The following MPRIP variants were observed in gnomAD, a reference collection of about 807,000 sequenced individuals.
MPRIP encodes the protein myosin phosphatase Rho interacting protein.
Under a neutral mutation model 234.9 loss-of-function variants are expected in MPRIP, and 59 were observed. The ratio of observed to expected loss-of-function variants is 0.25; its 90% CI spans 0.20 to 0.31. The LOEUF (loss-of-function observed/expected upper bound fraction) is 0.31. MPRIP is among the 10% of genes least tolerant of loss of function. The pLI, the probability that MPRIP is intolerant of heterozygous loss-of-function variation, is 1.00. For missense variants in MPRIP, 2,436 were observed against 3,071.0 expected, an observed-to-expected ratio of 0.79 and a Z score of 4.89; for synonymous variants, 1,144 against 1,263.9, an observed-to-expected ratio of 0.91 and a Z score of 2.01.
At chr17:17,182,081 G>A (rs1009132476) in intron 23 of MPRIP, 4 of 152,272 alleles carry the variant, frequency 2.6e-5, no homozygotes, top group Non-Finnish European at 4.4e-5. Context: ...AACAGGGCAG[G>A]ATGGGGCCGT....
chr17:17,077,255 C>T (rs1029761780), intron 2 of MPRIP: 5 of 152,260 alleles, frequency 3.3e-5, no homozygotes, highest in African/African-American at 9.7e-5. Flanking sequence ...CCAGCAGACT[C>T]GCATTATGGA....
In MPRIP at chr17:17,102,511, C is replaced by T. The variant is rs372018008; in HGVS notation, c.268-24191C>T. On this transcript the variant is annotated intron_variant, in intron 3 of 23. Transcript: ENST00000651222. ...ATCGTCAGGGCACGTGTGGAGTGTGCGAGCAGGTCCACCCATGACTAGTGG... is the reference window on the plus strand; with the variant it reads ...ATCGTCAGGGCACGTGTGGAGTGTGTGAGCAGGTCCACCCATGACTAGTGG... Among the ~76,000 whole-genome samples, 82 of 152,320 alleles carry T rather than the reference C, an allele frequency of 5.4e-4. No homozygotes were observed. In the South Asian group the frequency reaches 0.014, roughly 27 times the overall value.
At chr17:17,081,316 A>G (rs541526723) in intron 3 of MPRIP, among the ~76,000 whole-genome samples, 1 of 152,310 alleles carries the variant, frequency 6.6e-6, no homozygotes, top group South Asian at 2.1e-4. Flanking sequence ...GGCGGCACAA[A>G]TCTAGCCAGG....
rs1227306259 is a variant in MPRIP, at chr17:17,177,290, C to T, written c.6998C>T (p.Thr2333Ile). Reference sequence around the variant, plus strand: ...AGTGACAAGTACAAAGACATCTACACAGAGCTCAGCATCGCGAAGGCTAAG... The same window carrying T: ...AGTGACAAGTACAAAGACATCTACATAGAGCTCAGCATCGCGAAGGCTAAG... ...YASDKYKDIY[T>I]ELSIAKAKAD... The change falls in exon 22 of 24, where the codon ACA (threonine) becomes ATA (isoleucine). Residue 2333 changes from threonine to isoleucine, a missense_variant. Physicochemically the swap from Thr to Ile is moderately conservative, Grantham distance 89 (BLOSUM62 -1). Transcript: ENST00000651222. 4 of 1,613,952 alleles carry T rather than the reference C, an allele frequency of 2.5e-6. No individual in the cohort carries two copies. The highest frequency in any genetic ancestry group is 1.7e-5 in the Admixed American group (1 of 60,014).
intron 3 of MPRIP, among the ~76,000 whole-genome samples, chr17:17,083,059 C>T (rs1205770061): frequency 6.6e-6 from 1 of 152,232 alleles, no homozygotes; most frequent in African/African-American, 2.4e-5. Flanking sequence ...GTGCTGAGGG[C>T]CGGCCTCCAT....
In MPRIP at chr17:17,126,873, G is replaced by A. The variant is rs202074039; in HGVS notation, c.419+20G>A. On this transcript the variant is annotated intron_variant, in intron 4 of 23. Transcript: ENST00000651222. ...CAGTGGGTGAGTATGCTGGCACTGTGGAACAAGGCACCACCACCTGCCACA... is the reference window on the plus strand; with the variant it reads ...CAGTGGGTGAGTATGCTGGCACTGTAGAACAAGGCACCACCACCTGCCACA... 9 of 1,607,370 alleles carry A rather than the reference G, an allele frequency of 5.6e-6. No homozygotes were observed. The East Asian group carries it at 2.0e-4, about 36-fold the overall frequency.
intron 1 of MPRIP, among the ~76,000 whole-genome samples, chr17:17,058,666 A>G (rs2088780875): frequency 6.6e-6 from 1 of 152,196 alleles, no homozygotes; most frequent in African/African-American, 2.4e-5. Flanking sequence ...CGCATTGTTG[A>G]GAGAAAGGTT....
At chr17:17,082,142 T>C (rs1184052742) in intron 3 of MPRIP, among the ~76,000 whole-genome samples, 1 of 152,118 alleles carries the variant, frequency 6.6e-6, no homozygotes, top group Non-Finnish European at 1.5e-5. Flanking sequence ...CAGACATCAC[T>C]AGAAGGCTCT....
intron 1 of MPRIP, among the ~76,000 whole-genome samples, chr17:17,064,962 A>T (rs2088977471): frequency 1.3e-5 from 2 of 152,176 alleles, no homozygotes; most frequent in Non-Finnish European, 2.9e-5. Flanking sequence ...TATGAGTGAT[A>T]GATATACTTA....
Position 17,126,830 on chromosome 17 carries a change from G to A in MPRIP, c.396G>A (p.Ala132=), listed in dbSNP as rs373015963. The change falls in exon 4 of 24, where the codon GCG becomes GCA. Residue 132 remains alanine, a synonymous_variant. Coordinates refer to ENST00000651222, the MANE Select transcript of MPRIP (RefSeq NM_001364716.4). The stretch of plus-strand genomic sequence containing the variant: ...CTGAGAAGGAGCATTTCATCCGGGC[G>A]GAGACCAAGGAGATCGTCAGTGGGT... ...LTPEKEHFIR[A]ETKEIVSGWL... 2.1e-4 allele frequency: 335 copies of A among 1,613,942 alleles called. No individual in the cohort carries two copies. The highest frequency in any genetic ancestry group is 1.4e-3 in the East Asian group (64 of 44,896).
At chr17:17,095,771 C>T (rs73277634) in intron 3 of MPRIP, among the ~76,000 whole-genome samples, 1 of 152,082 alleles carries the variant, frequency 6.6e-6, no homozygotes, top group Non-Finnish European at 1.5e-5. Context: ...TTCTCCTGCT[C>T]TCAGCCCTGC....
At chr17:17,174,115 C>T (rs2046204339) in intron 19 of MPRIP, 40 bp downstream of exon 19, 1 of 1,604,070 alleles carries the variant, frequency 6.2e-7, no homozygotes, top group Non-Finnish European at 8.5e-7. Context: ...TAGTCAGGGG[C>T]ACTCAAGGTC....
Position 17,093,828 on chromosome 17 carries a change from C to G in MPRIP, c.267+15752C>G, listed in dbSNP as rs116066517. 6.1e-3 allele frequency among the ~76,000 whole-genome samples: 934 copies of G among 152,318 alleles called. 15 individuals are homozygous for G. Among genetic ancestry groups the G allele is most frequent in the African/African-American group, 0.021 (887 of 41,570 alleles). ...AAATAACTGGTTTTTACTGCTACTT[C>G]TTGAGTTTTAGAAGATATTATCTAT... On this transcript the variant is annotated intron_variant, in intron 3 of 23. Transcript: ENST00000651222.
rs1411926601 is a variant in MPRIP at position 17,042,657 on chromosome 17, G to A, written c.-192G>A. On this transcript the variant is annotated 5_prime_UTR_variant, in exon 1 of 24. Transcript: ENST00000651222. ...CGGGCGGGAGCTGGGCGTCGCGCGCGCTGTGAGGCCCGGGCGGCTCAGGAG... is the reference window on the plus strand; with the variant it reads ...CGGGCGGGAGCTGGGCGTCGCGCGCACTGTGAGGCCCGGGCGGCTCAGGAG... 1 of 449,126 alleles carries A rather than the reference G, an allele frequency of 2.2e-6. No homozygotes were observed. The highest frequency in any genetic ancestry group is 2.2e-5 in the African/African-American group (1 of 46,364). The allele number at this position is 449,126 out of a possible 1,614,324, so 27.8% of individuals were successfully genotyped here.
At chr17:17,058,098 T>G in intron 1 of MPRIP, 1 of 241,692 alleles carries the variant, frequency 4.1e-6, no homozygotes, top group Non-Finnish European at 8.1e-6. Context: ...GGCATTGCCC[T>G]TCACACCAGT....
intron 4 of MPRIP, 129 bp from the exon 5 acceptor site, chr17:17,131,487 GC>G: frequency 7.0e-6 from 5 of 709,846 alleles, no homozygotes; most frequent in South Asian, 6.9e-5. Context: ...GGCACTTCTG[GC>G]CCCAGCGTAG....
At chr17:17,150,400 C>T (rs1394714613) in intron 12 of MPRIP, among the ~76,000 whole-genome samples, 167 bp downstream of exon 12, 5 of 152,184 alleles carry the variant, frequency 3.3e-5, no homozygotes, top group African/African-American at 1.2e-4. Context: ...TGGCACCTGA[C>T]CCTATTCCCC....
intron 7 of MPRIP, among the ~76,000 whole-genome samples, chr17:17,140,221 G>T (rs2090784821): frequency 6.6e-6 from 1 of 152,176 alleles, no homozygotes; most frequent in African/African-American, 2.4e-5. Context: ...TTTAGCGCCA[G>T]ACCACAGAAT....
chr17:17,044,563 A>T (rs935820027), intron 1 of MPRIP, among the ~76,000 whole-genome samples: 47 of 152,096 alleles, frequency 3.1e-4, no homozygotes, highest in Non-Finnish European at 5.6e-4. Flanking sequence ...AACCAAAAAA[A>T]CCTGCCACTT....
Sources: allele counts gnomAD v4.1 joint callset (sites outside exome capture counted in the v4.1 genomes callset), GRCh38; gene constraint gnomAD v4.1.1; transcripts MANE v1.5; gene names NCBI Gene and HGNC (gene_info 2026-07-23, HGNC 2026-07-21).